Variants in EBF1 observed in about 807,000 individuals in gnomAD.
EBF1 encodes the protein EBF transcription factor 1.
Under a neutral mutation model 68.4 loss-of-function variants are expected in EBF1, and 10 were observed. The observed-to-expected ratio is 0.15, with a 90% CI of 0.09 to 0.25. The LOEUF is 0.25. Among genes scored for constraint, EBF1 ranks in the 10% least tolerant of loss-of-function variants. The probability of loss-of-function intolerance (pLI) is 1.00; values close to 1 mark genes in which losing one functional copy is unlikely to be tolerated. For missense variants in EBF1, 509 were observed against 794.4 expected, an observed-to-expected ratio of 0.64 and a Z score of 4.32; for synonymous variants, 298 against 299.8, an observed-to-expected ratio of 0.99 and a Z score of 0.06.
chr5:158,923,642 T>G (rs773296107), intron 6 of EBF1, among the ~76,000 whole-genome samples: 9 of 152,206 alleles, frequency 5.9e-5, no homozygotes, highest in African/African-American at 1.9e-4. Flanking sequence ...GATATACTAT[T>G]AGTTTCCTTA....
intron 6 of EBF1, among the ~76,000 whole-genome samples, chr5:158,910,726 G>A (rs1440622498): frequency 6.6e-6 from 1 of 152,184 alleles, no homozygotes; most frequent in Admixed American, 6.5e-5. Context: ...GGAAAAACCT[G>A]GAGATTGTGA....
intron 6 of EBF1, among the ~76,000 whole-genome samples, chr5:158,860,923 G>A (rs1327365064): frequency 6.6e-6 from 1 of 152,122 alleles, no homozygotes; most frequent in Non-Finnish European, 1.5e-5. Flanking sequence ...AGTATCACAG[G>A]GAGCAGGACA....
chr5:158,924,852 CAAAAAAAAAAAAA>C (rs34744460), intron 6 of EBF1, among the ~76,000 whole-genome samples: 11 of 50,892 alleles, frequency 2.2e-4, no homozygotes, highest in African/African-American at 8.5e-4. Context: ...GACTCTGTCT[CAAAAAAAAAAAAA>C]AAAAAAAAAA....
At chr5:158,702,847 G>A (rs1484098718) in intron 15 of EBF1, among the ~76,000 whole-genome samples, 4 of 149,216 alleles carry the variant, frequency 2.7e-5, no homozygotes, top group Admixed American at 2.7e-4. Context: ...TATGTGCATG[G>A]AAAAAATGAC....
chr5:158,999,296 T>C (rs898888785), intron 6 of EBF1, among the ~76,000 whole-genome samples: 1 of 152,200 alleles, frequency 6.6e-6, no homozygotes, highest in African/African-American at 2.4e-5. Flanking sequence ...TTATAATTAG[T>C]TTCCATAAAA....
chr5:158,786,839 T>C (rs1478048751), intron 9 of EBF1, among the ~76,000 whole-genome samples: 3 of 152,036 alleles, frequency 2.0e-5, no homozygotes, highest in Admixed American at 6.6e-5. Flanking sequence ...TAAAGAAAAA[T>C]ATAAAAGCCA....
chr5:158,721,372 T>C (rs1056866614), intron 11 of EBF1, among the ~76,000 whole-genome samples: 1 of 152,140 alleles, frequency 6.6e-6, no homozygotes, highest in African/African-American at 2.4e-5. Flanking sequence ...CGTGATTGAC[T>C]TTTACAATGG....
At chr5:158,801,947 TA>T (rs972652477) in intron 8 of EBF1, among the ~76,000 whole-genome samples, 2 of 152,160 alleles carry the variant, frequency 1.3e-5, no homozygotes, top group African/African-American at 4.8e-5. Flanking sequence ...GGTGAATTTA[TA>T]AGCTGGAATC....
chr5:158,980,012 C>T (rs2127582917), intron 6 of EBF1, among the ~76,000 whole-genome samples: 1 of 152,112 alleles, frequency 6.6e-6, no homozygotes, highest in Admixed American at 6.5e-5. Context: ...GACCGAGGTT[C>T]TTCTCCGTTG....
intron 6 of EBF1, among the ~76,000 whole-genome samples, chr5:158,884,346 G>A (rs986965277): frequency 7.9e-5 from 12 of 152,150 alleles, no homozygotes; most frequent in African/African-American, 2.9e-4. Flanking sequence ...CTCTTTTGTA[G>A]ATGAGAAATA....
At chr5:158,793,702 A>C (rs1561943663) in intron 9 of EBF1, among the ~76,000 whole-genome samples, 1 of 152,224 alleles carries the variant, frequency 6.6e-6, no homozygotes, top group Non-Finnish European at 1.5e-5. Context: ...GGAGTATTGC[A>C]TACAAGCCTA....
intron 6 of EBF1, among the ~76,000 whole-genome samples, chr5:158,887,441 T>C (rs1800281528): frequency 6.6e-6 from 1 of 152,182 alleles, no homozygotes; most frequent in Non-Finnish European, 1.5e-5. Flanking sequence ...AGAAAACAAC[T>C]GTAATGTTGT....
At chr5:158,757,456 G>T (rs565218237) in intron 10 of EBF1, among the ~76,000 whole-genome samples, 6 of 152,112 alleles carry the variant, frequency 3.9e-5, no homozygotes, top group Non-Finnish European at 8.8e-5. Context: ...TGAGGGCAGG[G>T]ATTATGCACA....
intron 6 of EBF1, among the ~76,000 whole-genome samples, chr5:158,866,865 A>ATATATATATATATATGTATATG (rs1796004737): frequency 3.4e-5 from 2 of 58,136 alleles, no homozygotes; most frequent in African/African-American, 1.1e-4. Flanking sequence ...ATATATATAT[A>ATATATATATATATATGTATATG]TATATATATA....
intron 6 of EBF1, among the ~76,000 whole-genome samples, chr5:159,055,709 C>T (rs1384900871): frequency 1.3e-5 from 2 of 152,054 alleles, no homozygotes; most frequent in African/African-American, 4.8e-5. Flanking sequence ...GGACCTTACC[C>T]TGGGAATGGC....
chr5:158,926,278 T>A (rs1809676005), intron 6 of EBF1, among the ~76,000 whole-genome samples: 1 of 152,200 alleles, frequency 6.6e-6, no homozygotes, highest in Non-Finnish European at 1.5e-5. Flanking sequence ...AGCGCATTTG[T>A]TATATCTTAA....
At chr5:159,076,354 G>T (rs6881196) in intron 5 of EBF1, among the ~76,000 whole-genome samples, 6,509 of 152,152 alleles carry the variant, frequency 0.043, 258 homozygotes, top group African/African-American at 0.11. Flanking sequence ...TGGAAGGAAG[G>T]TGCACCTCAT....
chr5:158,754,753 C>T (rs1013391982), intron 10 of EBF1, among the ~76,000 whole-genome samples: 1 of 152,040 alleles, frequency 6.6e-6, no homozygotes, highest in African/African-American at 2.4e-5. Context: ...CCTGACCTGA[C>T]AAAGACCCCC....
chr5:158,787,170 TTA>T (rs1401087646), intron 9 of EBF1, among the ~76,000 whole-genome samples: 5 of 152,236 alleles, frequency 3.3e-5, no homozygotes, highest in Non-Finnish European at 5.9e-5. Flanking sequence ...CAAGGTTGCC[TTA>T]TATATATCCT....
Sources: gnomAD v4.1 joint callset for allele counts (sites outside exome capture counted in the v4.1 genomes callset) on GRCh38, gnomAD v4.1.1 for gene constraint, MANE v1.5 for transcripts, NCBI Gene and HGNC (gene_info 2026-07-23, HGNC 2026-07-21) for gene names.